CFDP1: variants seen among roughly 807,000 people sequenced by gnomAD.
The protein encoded by CFDP1 is chromatin remodeling protein CFDP1, also known as heterochromatin-stabilizing protein CFDP1.
A neutral mutation model predicts 40.1 loss-of-function variants in CFDP1; 31 were observed. The ratio of observed to expected loss-of-function variants is 0.77; its 90% CI spans 0.58 to 1.04. The LOEUF (loss-of-function observed/expected upper bound fraction) is 1.04, where lower values mean the gene tolerates loss of function less well. CFDP1 is among the 50% of genes least tolerant of loss of function. CFDP1 has a pLI of 0.00. For missense variants in CFDP1, 423 were observed against 343.4 expected (o/e 1.23, Z -1.83); for synonymous variants, 167 against 120.0 (o/e 1.39, Z -2.56).
At chr16:75,400,447 G>C (rs1356362396) in intron 4 of CFDP1, among the ~76,000 whole-genome samples, 1 of 152,136 alleles carries the variant, frequency 6.6e-6, no homozygotes, top group Non-Finnish European at 1.5e-5. Context: ...TCATTAAATT[G>C]AGACACCAGG....
intron 5 of CFDP1, among the ~76,000 whole-genome samples, chr16:75,370,970 T>G (rs1027765373): frequency 5.3e-5 from 8 of 152,254 alleles, no homozygotes; most frequent in Admixed American, 2.0e-4. Flanking sequence ...TATCTCACTT[T>G]GTTAGTTTAT....
chr16:75,393,728 A>C (rs1240967370), intron 5 of CFDP1, among the ~76,000 whole-genome samples: 4 of 96,898 alleles, frequency 4.1e-5, no homozygotes, highest in South Asian at 8.5e-4. Context: ...ACAGAGCGAG[A>C]CTCCGTCGCA....
chr16:75,395,225 A>G lies in CFDP1; in HGVS notation c.531-16T>C. ...CTTAGTTACCCTGTGCCAAGGAAAA[A>G]GACATCAAGCTTACAAGAAGAATAA... On this transcript the variant is annotated splice_polypyrimidine_tract_variant and intron_variant, in intron 4 of 6. Transcript: ENST00000283882. The G allele has an allele frequency of 1.2e-6, 2 of 1,611,790 alleles. No homozygotes were observed. Among genetic ancestry groups the G allele is most frequent in the South Asian group, 1.1e-5 (1 of 90,970 alleles).
intron 5 of CFDP1, among the ~76,000 whole-genome samples, chr16:75,369,891 T>C (rs996135512): frequency 1.3e-5 from 2 of 151,928 alleles, no homozygotes; most frequent in Non-Finnish European, 2.9e-5. Flanking sequence ...CCCCAGTGGC[T>C]GGAACTACAG....
intron 5 of CFDP1, among the ~76,000 whole-genome samples, chr16:75,373,534 C>T (rs939515459): frequency 2.0e-5 from 3 of 152,200 alleles, no homozygotes; most frequent in Non-Finnish European, 4.4e-5. Flanking sequence ...GCCCACCCCC[C>T]ATTCTACCTA....
chr16:75,374,115 T>C (rs2078773834), intron 5 of CFDP1, among the ~76,000 whole-genome samples: 1 of 151,852 alleles, frequency 6.6e-6, no homozygotes, highest in African/African-American at 2.4e-5. Context: ...CAGCCAGGCG[T>C]GGTGGTGGGT....
intron 5 of CFDP1, among the ~76,000 whole-genome samples, chr16:75,346,816 G>C (rs1597345349): frequency 6.6e-6 from 1 of 151,252 alleles, no homozygotes; most frequent in Non-Finnish European, 1.5e-5. Context: ...CTCTGAGGTG[G>C]TATTTTGCTG....
intron 5 of CFDP1, among the ~76,000 whole-genome samples, chr16:75,324,309 C>T (rs1017239): frequency 0.75 from 113,453 of 151,978 alleles, 42,504 homozygotes; most frequent in Admixed American, 0.8. Context: ...AACGAGGCAA[C>T]AGGCACTGAG....
chr16:75,390,566 C>G (rs569374209), intron 5 of CFDP1, among the ~76,000 whole-genome samples: 12 of 152,322 alleles, frequency 7.9e-5, no homozygotes, highest in African/African-American at 2.9e-4. Context: ...CTCTCTCTCT[C>G]CCCAGAGATA....
In CFDP1 at chr16:75,386,376, G is replaced by A. The variant is rs139507488; in HGVS notation, c.650+8714C>T. ...AGTATTTGTTGTAGGTATTCAATCCGAACTGACAGAGGTTACATCATCCTG... is the reference window on the plus strand; with the variant it reads ...AGTATTTGTTGTAGGTATTCAATCCAAACTGACAGAGGTTACATCATCCTG... On this transcript the variant is annotated intron_variant, in intron 5 of 6. Transcript: ENST00000283882. 7.2e-5 allele frequency among the ~76,000 whole-genome samples: 11 copies of A among 152,246 alleles called. No individual in the cohort carries two copies. The East Asian group carries it at 7.7e-4, about 11-fold the overall frequency.
intron 5 of CFDP1, among the ~76,000 whole-genome samples, chr16:75,367,480 G>A (rs1018190679): frequency 6.7e-6 from 1 of 149,870 alleles, no homozygotes; most frequent in Non-Finnish European, 1.5e-5. Context: ...GGGTGGGAGA[G>A]ATAAAATGAG....
In CFDP1 at chr16:75,412,300, T is replaced by G. The variant is rs140396024; in HGVS notation, c.402+235A>C. ...TCCCAAAGTGCAGGGATTGTTGGTG[T>G]GTGGCACTGCAGTCAGCCTATAGCT... On this transcript the variant is annotated intron_variant, in intron 3 of 6. Transcript: ENST00000283882. Among the ~76,000 whole-genome samples the G allele has an allele frequency of 6.5e-3, 985 of 152,326 alleles. 8 individuals are homozygous for G. The highest frequency in any genetic ancestry group is 0.017 in the Middle Eastern group (5 of 294).
At chr16:75,362,509 G>A (rs1263761170) in intron 5 of CFDP1, among the ~76,000 whole-genome samples, 1 of 152,098 alleles carries the variant, frequency 6.6e-6, no homozygotes, top group Non-Finnish European at 1.5e-5. Flanking sequence ...AATACTGTCC[G>A]AATAGCTATG....
intron 6 of CFDP1, among the ~76,000 whole-genome samples, chr16:75,304,035 C>G (rs2078241411): frequency 6.7e-6 from 1 of 148,902 alleles, no homozygotes; most frequent in Admixed American, 6.9e-5. Context: ...TACTTATGAA[C>G]ACCTTTTCTT....
At chr16:75,346,615 A>T (rs1321016163) in intron 5 of CFDP1, among the ~76,000 whole-genome samples, 1 of 126,644 alleles carries the variant, frequency 7.9e-6, no homozygotes, top group Non-Finnish European at 1.7e-5. Flanking sequence ...AAAAAAAAAA[A>T]GAGTACCAGG....
intron 5 of CFDP1, among the ~76,000 whole-genome samples, chr16:75,393,737 CAAAAAAAAAAAAAAAAA>C (rs61344775): frequency 7.4e-5 from 6 of 80,620 alleles, no homozygotes; most frequent in South Asian, 4.3e-4. Flanking sequence ...GACTCCGTCG[CAAAAAAAAAAAAAAAAA>C]AAAAAAAAAA....
In CFDP1 at chr16:75,395,097, C is replaced by A; in HGVS notation, c.643G>T (p.Gly215Trp). Residue 215 changes from glycine to tryptophan, a missense_variant, in exon 5 of 7, where the codon GGG (glycine) becomes TGG (tryptophan). Physicochemically the swap from Gly to Trp is radical, Grantham distance 184. Coordinates refer to ENST00000283882, the MANE Select transcript of CFDP1 (RefSeq NM_006324.3). Reference sequence around the variant, plus strand: ...TGAGACTCAAATACTCACCCTGACCCGGCAGGGAGTGATGGCAGAGCTGAA... The same window carrying A: ...TGAGACTCAAATACTCACCCTGACCAGGCAGGGAGTGATGGCAGAGCTGAA... ...VPSALPSLPA[G>W]SGLKRSSGMS... 6.2e-7 allele frequency: 1 copy of A among 1,613,650 alleles called. No homozygotes were observed. Among genetic ancestry groups the A allele is most frequent in the African/African-American group, 1.3e-5 (1 of 75,016 alleles).
At chr16:75,431,148 T>C (rs1231944347) in intron 1 of CFDP1, among the ~76,000 whole-genome samples, 2 of 151,298 alleles carry the variant, frequency 1.3e-5, no homozygotes, top group Non-Finnish European at 2.9e-5. Context: ...ATTCACACTG[T>C]CATTAGAAAA....
At chr16:75,343,646 A>G (rs1443651590) in intron 5 of CFDP1, among the ~76,000 whole-genome samples, 1 of 152,244 alleles carries the variant, frequency 6.6e-6, no homozygotes, top group Non-Finnish European at 1.5e-5. Flanking sequence ...CACTAGCTCA[A>G]TTATTTTACA....
Sources: allele counts gnomAD v4.1 joint callset (sites outside exome capture counted in the v4.1 genomes callset), GRCh38; gene constraint gnomAD v4.1.1; transcripts MANE v1.5; gene names NCBI Gene and HGNC (gene_info 2026-07-23, HGNC 2026-07-21).